Variants in RBFOX1 observed in about 807,000 individuals in gnomAD.
RBFOX1 encodes RNA binding fox-1 homolog 1, also known as RNA binding protein fox-1 homolog 1.
In RBFOX1, 8 loss-of-function variants were observed where a neutral mutation model predicts 57.7. The ratio of observed to expected loss-of-function variants is 0.14; its 90% CI spans 0.08 to 0.25. The LOEUF (loss-of-function observed/expected upper bound fraction) is 0.25, where lower values mean the gene tolerates loss of function less well. Ranked by LOEUF, RBFOX1 falls within the 10% of genes least tolerant of loss-of-function variation. RBFOX1 has a pLI of 1.00. For synonymous variants in RBFOX1, 326 were observed against 222.4 expected, an observed-to-expected ratio of 1.47 and a Z score of -4.15; for missense variants, 611 against 548.5, an observed-to-expected ratio of 1.11 and a Z score of -1.14.
intron 5 of RBFOX1, among the ~76,000 whole-genome samples, chr16:7,538,960 T>C (rs8045516): frequency 0.81 from 123,055 of 151,670 alleles, 51,217 homozygotes; most frequent in Middle Eastern, 0.93. Flanking sequence ...TCTTGGCATG[T>C]ACACACTTCA....
intron 3 of RBFOX1, among the ~76,000 whole-genome samples, chr16:6,707,949 G>T (rs2063061145): frequency 6.6e-6 from 1 of 152,188 alleles, no homozygotes; most frequent in African/African-American, 2.4e-5. Flanking sequence ...ATAGTGCAGA[G>T]GTAGAAGCAG....
At chr16:6,805,031 C>T (rs752287357) in intron 3 of RBFOX1, among the ~76,000 whole-genome samples, 2 of 152,134 alleles carry the variant, frequency 1.3e-5, no homozygotes, top group Non-Finnish European at 2.9e-5. Context: ...CCTACCAGTC[C>T]CATTACTGGG....
chr16:5,989,175 CA>C (rs912376991), intron 4 of RBFOX1, among the ~76,000 whole-genome samples: 3 of 141,664 alleles, frequency 2.1e-5, no homozygotes, highest in African/African-American at 2.6e-5. Flanking sequence ...AAAAAAAATA[CA>C]AAAAATTAGC....
At chr16:7,275,151 AAG>A (rs933913834) in intron 4 of RBFOX1, among the ~76,000 whole-genome samples, 4 of 152,138 alleles carry the variant, frequency 2.6e-5, no homozygotes, top group Admixed American at 1.3e-4. Flanking sequence ...GAGGGAGGGA[AAG>A]AGAGAAAGAA....
At chr16:6,738,928 C>G (rs2071241290) in intron 3 of RBFOX1, among the ~76,000 whole-genome samples, 2 of 152,134 alleles carry the variant, frequency 1.3e-5, no homozygotes, top group African/African-American at 2.4e-5. Flanking sequence ...TTAAAAATGA[C>G]ATTGAACTTA....
At chr16:7,224,074 G>A (rs981468607) in intron 4 of RBFOX1, among the ~76,000 whole-genome samples, 6 of 127,532 alleles carry the variant, frequency 4.7e-5, no homozygotes, top group African/African-American at 9.0e-5. Flanking sequence ...GCTTAGGCTC[G>A]TTGTTCTGGG....
At chr16:7,213,564 A>G (rs1449598469) in intron 4 of RBFOX1, among the ~76,000 whole-genome samples, 3 of 152,122 alleles carry the variant, frequency 2.0e-5, no homozygotes, top group South Asian at 2.1e-4. Context: ...TGCCAAAAAA[A>G]AAAACACAAA....
chr16:5,268,496 A>G (rs1385654637), intron 1 of RBFOX1, among the ~76,000 whole-genome samples: 2 of 152,250 alleles, frequency 1.3e-5, no homozygotes, highest in African/African-American at 2.4e-5. Context: ...TCCCCTCATC[A>G]TTCATAAAGT....
intron 4 of RBFOX1, among the ~76,000 whole-genome samples, chr16:7,312,216 C>G (rs545665894): frequency 1.3e-5 from 2 of 152,260 alleles, no homozygotes; most frequent in Admixed American, 6.5e-5. Flanking sequence ...CCTGTCTCTA[C>G]TAAAAATACA....
At chr16:5,799,508 A>G (rs967291360) in intron 3 of RBFOX1, among the ~76,000 whole-genome samples, 4 of 152,254 alleles carry the variant, frequency 2.6e-5, no homozygotes, top group African/African-American at 7.2e-5. Context: ...CATTCAGTAG[A>G]AACTGTACTT....
intron 1 of RBFOX1, among the ~76,000 whole-genome samples, chr16:6,221,867 A>G (rs2097375665): frequency 6.6e-6 from 1 of 152,176 alleles, no homozygotes; most frequent in African/African-American, 2.4e-5. Flanking sequence ...TCCATTTTGT[A>G]CCATCCTTGA....
intron 4 of RBFOX1, among the ~76,000 whole-genome samples, chr16:7,379,567 G>C (rs1383739056): frequency 1.3e-5 from 2 of 152,156 alleles, no homozygotes; most frequent in South Asian, 2.1e-4. Flanking sequence ...TACATATGTG[G>C]TAAATATATA....
intron 4 of RBFOX1, among the ~76,000 whole-genome samples, chr16:7,230,741 C>G (rs1383357930): frequency 5.9e-5 from 9 of 152,264 alleles, no homozygotes; most frequent in African/African-American, 2.2e-4. Context: ...CAACTTAGCA[C>G]CAAATGCATG....
chr16:7,304,480 C>A (rs950775610), intron 4 of RBFOX1: 39 of 985,182 alleles, frequency 4.0e-5, no homozygotes, highest in South Asian at 9.4e-5. Context: ...TATGTACTTA[C>A]AGCAGGTAAG....
chr16:7,382,344 C>G (rs911335607), intron 4 of RBFOX1, among the ~76,000 whole-genome samples: 2 of 152,122 alleles, frequency 1.3e-5, no homozygotes, highest in Non-Finnish European at 2.9e-5. Flanking sequence ...TTATTTTGGA[C>G]TTTTAAAAAA....
At chr16:7,349,867 C>T (rs76256789) in intron 4 of RBFOX1, among the ~76,000 whole-genome samples, 24,900 of 152,068 alleles carry the variant, frequency 0.16, 3,063 homozygotes, top group African/African-American at 0.35. Flanking sequence ...AGGTTATGGG[C>T]CAGGCACGGT....
intron 4 of RBFOX1, among the ~76,000 whole-genome samples, chr16:7,228,431 C>T (rs976283776): frequency 2.0e-5 from 3 of 152,134 alleles, no homozygotes; most frequent in Non-Finnish European, 2.9e-5. Flanking sequence ...TTATGGCTCT[C>T]TTAATCAGAG....
intron 2 of RBFOX1, among the ~76,000 whole-genome samples, chr16:6,615,209 G>T (rs1454889727): frequency 6.6e-6 from 1 of 152,194 alleles, no homozygotes; most frequent in African/African-American, 2.4e-5. Context: ...ATAAAGGAAT[G>T]AAAACTTCTT....
At chr16:6,503,038 A>G (rs2095983588) in intron 2 of RBFOX1, among the ~76,000 whole-genome samples, 1 of 152,210 alleles carries the variant, frequency 6.6e-6, no homozygotes, top group African/African-American at 2.4e-5. Flanking sequence ...AAAAAGTAGT[A>G]TAATATGTAT....
Sources: allele counts gnomAD v4.1 joint callset (sites outside exome capture counted in the v4.1 genomes callset), GRCh38; gene constraint gnomAD v4.1.1; transcripts MANE v1.5; gene names NCBI Gene and HGNC (gene_info 2026-07-23, HGNC 2026-07-21).